KCNH8: variants seen among roughly 807,000 people sequenced by gnomAD.
The protein encoded by KCNH8 is voltage-gated delayed rectifier potassium channel KCNH8.
Under a neutral mutation model 103.6 loss-of-function variants are expected in KCNH8, and 70 were observed. The observed-to-expected ratio is 0.68, with a 90% confidence interval of 0.56 to 0.82. KCNH8 has a LOEUF of 0.82. KCNH8 is among the 40% of genes least tolerant of loss of function. The probability of loss-of-function intolerance (pLI) is 0.00; values close to 1 mark genes in which losing one functional copy is unlikely to be tolerated. For synonymous variants in KCNH8, 498 were observed against 489.4 expected, an observed-to-expected ratio of 1.02 and a Z score of -0.23; for missense variants, 1,217 against 1,329.9, an observed-to-expected ratio of 0.92 and a Z score of 1.32.
At chr3:19,241,745 C>A (rs1393659621) in intron 1 of KCNH8, among the ~76,000 whole-genome samples, 1 of 152,046 alleles carries the variant, frequency 6.6e-6, no homozygotes, top group Non-Finnish European at 1.5e-5. Flanking sequence ...CACACACACA[C>A]ACACACATGC....
At chr3:19,470,798 A>T (rs534199302) in intron 11 of KCNH8, among the ~76,000 whole-genome samples, 1 of 152,356 alleles carries the variant, frequency 6.6e-6, no homozygotes, top group South Asian at 2.1e-4. Flanking sequence ...GTTTGTCTCC[A>T]TGCAATCATA....
chr3:19,294,442 A>T (rs2064969411), intron 3 of KCNH8, among the ~76,000 whole-genome samples: 1 of 152,182 alleles, frequency 6.6e-6, no homozygotes, highest in Non-Finnish European at 1.5e-5. Flanking sequence ...TCTAGTAAAG[A>T]GAAGTTGCCT....
At chr3:19,298,472 C>T (rs2065022548) in intron 3 of KCNH8, among the ~76,000 whole-genome samples, 1 of 152,162 alleles carries the variant, frequency 6.6e-6, no homozygotes, top group African/African-American at 2.4e-5. Context: ...CTGTGGGTTA[C>T]AGTTGAGTTA....
intron 1 of KCNH8, among the ~76,000 whole-genome samples, chr3:19,155,141 A>G (rs908195920): frequency 1.3e-5 from 2 of 152,218 alleles, no homozygotes; most frequent in African/African-American, 4.8e-5. Flanking sequence ...CATGTCCCCA[A>G]ATGAACTAAT....
chr3:19,516,269 C>T (rs1294006266), intron 14 of KCNH8, among the ~76,000 whole-genome samples: 1 of 152,008 alleles, frequency 6.6e-6, no homozygotes, highest in Non-Finnish European at 1.5e-5. Context: ...CCAAGAAAGA[C>T]ATTTGAATAT....
Position 19,281,187 on chromosome 3 carries a change from T to C in KCNH8, c.311-11T>C. On this transcript the variant is annotated splice_polypyrimidine_tract_variant and intron_variant, in intron 2 of 15. Coordinates refer to ENST00000328405, the MANE Select transcript of KCNH8 (RefSeq NM_144633.3). ...TGGTTGATTTGTATTTTTTTTTCTTTACTGTTGCAGGGTCTCCATTTTGGT... is the reference window on the plus strand; with the variant it reads ...TGGTTGATTTGTATTTTTTTTTCTTCACTGTTGCAGGGTCTCCATTTTGGT... 1.2e-6 allele frequency: 2 copies of C among 1,602,830 alleles called. No individual in the cohort carries two copies. Among genetic ancestry groups the C allele is most frequent in the South Asian group, 1.1e-5 (1 of 88,302 alleles).
rs552135260 is a variant in KCNH8, at chr3:19,269,961, A to T, written c.311-11237A>T. The stretch of plus-strand genomic sequence containing the variant: ...ATAGTCTAGGCTCCTTCTCAAGGAA[A>T]ACTGTCTATATGATTTTTACACTAA... On this transcript the variant is annotated intron_variant, in intron 2 of 15. Coordinates refer to ENST00000328405, the MANE Select transcript of KCNH8 (RefSeq NM_144633.3). Among the ~76,000 whole-genome samples the T allele has an allele frequency of 3.0e-4, 46 of 152,266 alleles. 3 individuals are homozygous for T. The South Asian group carries it at 9.3e-3, about 31-fold the overall frequency.
At chr3:19,340,913 T>C (rs1009056462) in intron 3 of KCNH8, among the ~76,000 whole-genome samples, 5 of 152,120 alleles carry the variant, frequency 3.3e-5, no homozygotes, top group African/African-American at 1.2e-4. Flanking sequence ...AGGCAAGTTT[T>C]AAAATTGAGA....
chr3:19,239,078 A>C (rs2064101579), intron 1 of KCNH8, among the ~76,000 whole-genome samples: 1 of 152,228 alleles, frequency 6.6e-6, no homozygotes, highest in Non-Finnish European at 1.5e-5. Flanking sequence ...TACTGATGAT[A>C]CTGTGTGTTT....
At chr3:19,321,936 C>G (rs1485199797) in intron 3 of KCNH8, among the ~76,000 whole-genome samples, 2 of 151,798 alleles carry the variant, frequency 1.3e-5, no homozygotes, top group African/African-American at 2.4e-5. Context: ...ATATAATGTC[C>G]TTCTTTGTCT....
intron 7 of KCNH8, among the ~76,000 whole-genome samples, chr3:19,413,229 T>C (rs1373837493): frequency 6.6e-6 from 1 of 150,528 alleles, no homozygotes; most frequent in Non-Finnish European, 1.5e-5. Flanking sequence ...ATGCCCCTTG[T>C]AGCAACATGG....
chr3:19,528,429 G>A (rs1159005306), intron 15 of KCNH8, among the ~76,000 whole-genome samples: 1 of 152,034 alleles, frequency 6.6e-6, no homozygotes, highest in African/African-American at 2.4e-5. Context: ...AATAAGACAA[G>A]TGAAATCCAG....
intron 11 of KCNH8, among the ~76,000 whole-genome samples, chr3:19,499,182 G>C (rs1390123227): frequency 6.6e-6 from 1 of 152,170 alleles, no homozygotes; most frequent in Non-Finnish European, 1.5e-5. Flanking sequence ...CTGGAAGAAA[G>C]GGTATCAGCG....
At chr3:19,415,457 ATATT>A (rs1039242279) in intron 7 of KCNH8, among the ~76,000 whole-genome samples, 1 of 143,822 alleles carries the variant, frequency 7.0e-6, no homozygotes, top group African/African-American at 2.6e-5. Context: ...TAAATCTTAC[ATATT>A]TATTTATGTT....
intron 1 of KCNH8, among the ~76,000 whole-genome samples, chr3:19,176,736 A>G (rs2063403406): frequency 6.6e-6 from 1 of 151,928 alleles, no homozygotes; most frequent in South Asian, 2.1e-4. Context: ...TATTCCATTT[A>G]TGGTTTTGTG....
In KCNH8 at chr3:19,166,466, A is replaced by C. The variant is rs191463607; in HGVS notation, c.76+17671A>C. ...AAGAATATAAGCTAAAAAGGATGGC[A>C]GTCAACTCAATCCTGTTGATCAGTG... On this transcript the variant is annotated intron_variant, in intron 1 of 15. Transcript: ENST00000328405. 1.7e-3 allele frequency among the ~76,000 whole-genome samples: 255 copies of C among 152,348 alleles called. 1 individual carries two copies. The highest frequency in any genetic ancestry group is 3.1e-3 in the Non-Finnish European group (209 of 68,034).
intron 12 of KCNH8, among the ~76,000 whole-genome samples, chr3:19,510,629 T>C (rs751799965): frequency 3.3e-5 from 5 of 152,204 alleles, no homozygotes; most frequent in Non-Finnish European, 7.3e-5. Flanking sequence ...AGCAGTTTGT[T>C]ACCAAAACAT....
At chr3:19,155,412 C>T (rs920989432) in intron 1 of KCNH8, among the ~76,000 whole-genome samples, 11 of 152,172 alleles carry the variant, frequency 7.2e-5, no homozygotes, top group African/African-American at 2.7e-4. Flanking sequence ...AACTAGACCC[C>T]TGTGACCATC....
At chr3:19,320,692 A>G (rs960346662) in intron 3 of KCNH8, among the ~76,000 whole-genome samples, 1 of 151,864 alleles carries the variant, frequency 6.6e-6, no homozygotes, top group African/African-American at 2.4e-5. Flanking sequence ...TATTGGCCTT[A>G]TAGAATGATT....
Sources: allele counts gnomAD v4.1 joint callset (sites outside exome capture counted in the v4.1 genomes callset), GRCh38; gene constraint gnomAD v4.1.1; transcripts MANE v1.5; gene names NCBI Gene and HGNC (gene_info 2026-07-23, HGNC 2026-07-21).